The following SLC31A2 variants were observed in gnomAD, a reference collection of about 807,000 sequenced individuals.
SLC31A2 encodes solute carrier family 31 member 2.
In SLC31A2, 16 loss-of-function variants were observed where a neutral mutation model predicts 14.4. The observed-to-expected ratio is 1.11, with a 90% confidence interval of 0.75 to 1.69. SLC31A2 has a LOEUF of 1.69. Among genes scored for constraint, SLC31A2 ranks in the 40% most tolerant of loss-of-function variants. The pLI, the probability that SLC31A2 is intolerant of heterozygous loss-of-function variation, is 0.00. For synonymous variants in SLC31A2, 56 were observed against 68.7 expected, an observed-to-expected ratio of 0.82 and a Z score of 0.91; for missense variants, 140 against 173.9, an observed-to-expected ratio of 0.81 and a Z score of 1.10.
chr9:113,162,599 G>C (rs149524919), intron 3 of SLC31A2, 150 bp from the exon 4 acceptor site: 7 of 633,638 alleles, frequency 1.1e-5, no homozygotes, highest in Non-Finnish European at 1.6e-5. Context: ...GGGTGGGAGG[G>C]GCAGAAAGAA....
chr9:113,157,544 T>C (rs1054688001), intron 1 of SLC31A2, among the ~76,000 whole-genome samples, 183 bp from the exon 2 acceptor site: 2 of 152,220 alleles, frequency 1.3e-5, no homozygotes, highest in Admixed American at 1.3e-4. Context: ...GCTCTGCTGC[T>C]GACCCTCTTG....
At chr9:113,154,190 C>T (rs1016822024) in intron 1 of SLC31A2, among the ~76,000 whole-genome samples, 3 of 145,402 alleles carry the variant, frequency 2.1e-5, no homozygotes, top group African/African-American at 2.6e-5. Context: ...CCCAGGCTAG[C>T]ACTTTTTTCT....
At chr9:113,153,355 A>AATAT (rs1171040536) in intron 1 of SLC31A2, among the ~76,000 whole-genome samples, 2 of 152,008 alleles carry the variant, frequency 1.3e-5, no homozygotes, top group Non-Finnish European at 2.9e-5. Context: ...GCTCTCATAT[A>AATAT]ATTTACTTGA....
chr9:113,157,200 G>A (rs1829944778), intron 1 of SLC31A2, among the ~76,000 whole-genome samples: 1 of 152,132 alleles, frequency 6.6e-6, no homozygotes, highest in South Asian at 2.1e-4. Context: ...ACACAAACTG[G>A]GCTCAGCAAA....
chr9:113,162,335 T>C (rs1173329184), intron 3 of SLC31A2: 2 of 214,586 alleles, frequency 9.3e-6, no homozygotes, highest in Non-Finnish European at 1.8e-5. Context: ...TAGGCCACTT[T>C]TAGTTAGTGG....
intron 1 of SLC31A2, among the ~76,000 whole-genome samples, chr9:113,154,098 C>T (rs1829903429): frequency 6.6e-6 from 1 of 152,222 alleles, no homozygotes; most frequent in East Asian, 1.9e-4. Flanking sequence ...CAGCACCTCC[C>T]AAGTAGCTGG....
intron 2 of SLC31A2, among the ~76,000 whole-genome samples, chr9:113,159,778 C>T (rs535951126): frequency 3.5e-4 from 53 of 152,320 alleles, no homozygotes; most frequent in African/African-American, 1.2e-3. Context: ...GCTTGTCTCC[C>T]GTACTTCTGG....
At chr9:113,154,226 T>TA (rs1728109887) in intron 1 of SLC31A2, among the ~76,000 whole-genome samples, 1 of 152,000 alleles carries the variant, frequency 6.6e-6, no homozygotes. Context: ...GAAGAGTAGA[T>TA]AGAGTTCAAG....
chr9:113,161,153 C>T (rs1830005812), intron 2 of SLC31A2: 1 of 206,440 alleles, frequency 4.8e-6, no homozygotes, highest in African/African-American at 2.3e-5. Flanking sequence ...ATTTATCTTT[C>T]CTTCCAGACA....
chr9:113,156,213 A>C (rs750547061), intron 1 of SLC31A2: 3 of 501,960 alleles, frequency 6.0e-6, no homozygotes, highest in African/African-American at 3.9e-5. Context: ...AAGTACCCAC[A>C]GTCTCACTCC....
chr9:113,156,621 G>A (rs1273833900), intron 1 of SLC31A2, among the ~76,000 whole-genome samples: 1 of 152,182 alleles, frequency 6.6e-6, no homozygotes, highest in Non-Finnish European at 1.5e-5. Flanking sequence ...CCTTAGCTGG[G>A]TAACACTGAC....
intron 2 of SLC31A2, chr9:113,161,119 T>C (rs1830005273): frequency 5.9e-6 from 1 of 169,856 alleles, no homozygotes. Context: ...CCTACTTTGC[T>C]GAGATAACTA....
rs1829863678 is a variant in SLC31A2, at chr9:113,151,401, G to C, written c.6+321G>C. On this transcript the variant is annotated intron_variant, in intron 1 of 3. Transcript: ENST00000259392. The surrounding 1 kb of genome is among the most constrained non-coding windows in gnomAD (Gnocchi z 4.2). ...GCTGGGTCCGGGGCCCCCGGCCCCG[G>C]ACCTCTGGCCGGCGCCCCAGGGCGG... Among the ~76,000 whole-genome samples, 1 of 151,454 alleles carries C rather than the reference G, an allele frequency of 6.6e-6. No homozygotes were observed. The highest frequency in any genetic ancestry group is 2.4e-5 in the African/African-American group (1 of 41,298).
intron 2 of SLC31A2, among the ~76,000 whole-genome samples, chr9:113,159,159 G>A (rs748577997): frequency 8.6e-4 from 130 of 151,982 alleles, no homozygotes; most frequent in Non-Finnish European, 1.5e-3. Flanking sequence ...TTTTGAAATG[G>A]AGTCTCTGTC....
In SLC31A2 at chr9:113,161,547, G is replaced by C. The variant is rs770301307; in HGVS notation, c.112G>C (p.Val38Leu). The C allele has an allele frequency of 1.2e-6, 2 of 1,614,012 alleles. No homozygotes were observed. Among genetic ancestry groups the C allele is most frequent in the Non-Finnish European group, 1.7e-6 (2 of 1,179,894 alleles). The change falls in exon 3 of 4, where the codon GTA becomes CTA. Residue 38 changes from valine to leucine, a missense_variant. Physicochemically the swap from Val to Leu is conservative, Grantham distance 32. Coordinates refer to ENST00000259392, the MANE Select transcript of SLC31A2 (RefSeq NM_001860.3). ...LSVLVLLLLA[V>L]LYEGIKVGKA... ...GGTGTTGGTGCTCCTGCTTCTGGCT[G>C]TACTGTATGAAGGCATCAAGGTTGG... is the stretch of plus-strand genomic sequence containing the variant.
intron 1 of SLC31A2, among the ~76,000 whole-genome samples, chr9:113,156,467 T>C (rs1043585772): frequency 1.3e-5 from 2 of 152,208 alleles, no homozygotes; most frequent in South Asian, 2.1e-4. Context: ...AATTGGCTGG[T>C]GTTCCCTGGT....
At chr9:113,155,513 GA>G (rs1182133660) in intron 1 of SLC31A2, among the ~76,000 whole-genome samples, 1 of 152,204 alleles carries the variant, frequency 6.6e-6, no homozygotes, top group Non-Finnish European at 1.5e-5. Context: ...CATGAAAAAA[GA>G]GGGTTGCTCT....
intron 1 of SLC31A2, among the ~76,000 whole-genome samples, chr9:113,155,491 T>C (rs1192429084): frequency 6.6e-6 from 1 of 152,192 alleles, no homozygotes; most frequent in African/African-American, 2.4e-5. Flanking sequence ...ATCAGTGTCA[T>C]TTCCCTCCCA....
chr9:113,163,497 A>AGTT lies in SLC31A2; in HGVS notation c.*582_*584dup, dbSNP rs1280523858. 1 of 152,626 alleles carries AGTT rather than the reference A, an allele frequency of 6.6e-6. No individual in the cohort carries two copies. The highest frequency in any genetic ancestry group is 1.5e-5 in the Non-Finnish European group (1 of 68,048). The allele number at this position is 152,626 out of a possible 1,614,324, so 9.5% of individuals were successfully genotyped here. A position where few individuals can be genotyped will look rare whatever the true frequency, so the allele number is the denominator to read the frequency against. On this transcript the variant is annotated 3_prime_UTR_variant, in exon 4 of 4. Coordinates refer to ENST00000259392, the MANE Select transcript of SLC31A2 (RefSeq NM_001860.3). ...TTTTTATTTTTCCCATTGAACTCCT[A>AGTT]GTTGGCAATTTTGCACATTCATACA...
Sources: gnomAD v4.1 joint callset for allele counts (sites outside exome capture counted in the v4.1 genomes callset) on GRCh38, gnomAD v4.1.1 for gene constraint, Gnocchi (gnomAD v3.1) non-coding constraint, MANE v1.5 for transcripts, NCBI Gene and HGNC (gene_info 2026-07-23, HGNC 2026-07-21) for gene names.